CCDC85A: variants seen among roughly 807,000 people sequenced by gnomAD.
The protein encoded by CCDC85A is coiled-coil domain-containing protein 85A.
A neutral mutation model predicts 50.2 loss-of-function variants in CCDC85A; 38 were observed. That is an observed-to-expected ratio of 0.76 (90% CI 0.58 to 0.99). The LOEUF (loss-of-function observed/expected upper bound fraction) is 0.99. Ranked by LOEUF, CCDC85A falls within the 50% of genes least tolerant of loss-of-function variation. CCDC85A has a pLI of 0.00. For synonymous variants in CCDC85A, 366 were observed against 301.4 expected (o/e 1.21, Z -2.22); for missense variants, 820 against 742.0 (o/e 1.11, Z -1.22).
intron 2 of CCDC85A, among the ~76,000 whole-genome samples, chr2:56,261,265 C>A (rs550549936): frequency 2.0e-5 from 3 of 152,270 alleles, no homozygotes; most frequent in South Asian, 4.1e-4. Context: ...TAGAGAGAAA[C>A]AGCACTATAA....
At chr2:56,313,791 A>G (rs1191201637) in intron 2 of CCDC85A, among the ~76,000 whole-genome samples, 1 of 149,332 alleles carries the variant, frequency 6.7e-6, no homozygotes, top group Non-Finnish European at 1.5e-5. Flanking sequence ...TGGGCAGCAG[A>G]AGGAACAGGG....
intron 5 of CCDC85A, among the ~76,000 whole-genome samples, chr2:56,376,699 T>C (rs1452503016): frequency 6.6e-6 from 1 of 152,212 alleles, no homozygotes; most frequent in Non-Finnish European, 1.5e-5. Flanking sequence ...ATAAAAATCA[T>C]CTTACAAATT....
rs1301350031 is a variant in CCDC85A, at chr2:56,294,561, G to A, written c.1241-48318G>A. Among the ~76,000 whole-genome samples, 3 of 152,314 alleles carry A rather than the reference G, an allele frequency of 2.0e-5. No homozygotes were observed. In the East Asian group the frequency reaches 5.8e-4, roughly 29 times the overall value. On this transcript the variant is annotated intron_variant, in intron 2 of 5. Coordinates refer to ENST00000407595, the MANE Select transcript of CCDC85A (RefSeq NM_001080433.2). ...ATCTAGGAATGGCTTCTTGGAATTA[G>A]TTTATTTCCTTGTCCATCTCAAGCG...
intron 2 of CCDC85A, among the ~76,000 whole-genome samples, chr2:56,245,909 G>A (rs749901500): frequency 2.5e-4 from 38 of 152,164 alleles, no homozygotes; most frequent in Non-Finnish European, 4.4e-4. Flanking sequence ...CCAGAACTGG[G>A]AGAAATAAAT....
intron 2 of CCDC85A, among the ~76,000 whole-genome samples, chr2:56,208,092 A>T (rs1191065235): frequency 6.6e-6 from 1 of 152,146 alleles, no homozygotes; most frequent in Non-Finnish European, 1.5e-5. Flanking sequence ...ATTGTTTCTT[A>T]AGGATTGATT....
At chr2:56,323,453 A>G (rs1673312656) in intron 2 of CCDC85A, among the ~76,000 whole-genome samples, 1 of 151,970 alleles carries the variant, frequency 6.6e-6, no homozygotes. Context: ...GTGCTACTCT[A>G]TCATCTGCTT....
chr2:56,188,713 C>A (rs1199687359), intron 1 of CCDC85A, among the ~76,000 whole-genome samples: 1 of 152,180 alleles, frequency 6.6e-6, no homozygotes, highest in Non-Finnish European at 1.5e-5. Flanking sequence ...TATTTTCTTA[C>A]TACTGTAGGC....
intron 2 of CCDC85A, among the ~76,000 whole-genome samples, chr2:56,279,055 C>T (rs1029429716): frequency 2.0e-5 from 3 of 152,154 alleles, no homozygotes; most frequent in African/African-American, 7.2e-5. Context: ...TGCCAGGGGG[C>T]CTTTGGAGGC....
rs375758033 is a variant in CCDC85A, at chr2:56,184,971, G to C, written c.276+71G>C. On this transcript the variant is annotated intron_variant, in intron 1 of 5. Coordinates refer to ENST00000407595, the MANE Select transcript of CCDC85A (RefSeq NM_001080433.2). ...GTGCCCCGAGGAGGAGGCGGGGCCA[G>C]GCAAACTTTCCCTCCCTCCCTCAAC... 516 of 1,425,702 alleles carry C rather than the reference G, an allele frequency of 3.6e-4. 2 individuals are homozygous for C. In the East Asian group the frequency reaches 9.0e-3, roughly 25 times the overall value. 88.3% of individuals were successfully genotyped at this position (1,425,702 alleles called of 1,614,324 possible).
At chr2:56,197,100 C>G (rs1471455880) in intron 2 of CCDC85A, among the ~76,000 whole-genome samples, 2 of 152,200 alleles carry the variant, frequency 1.3e-5, no homozygotes, top group African/African-American at 4.8e-5. Context: ...GGTTGTAAGT[C>G]TTCCTCCTGA....
Position 56,184,429 on chromosome 2 carries a change from G to C in CCDC85A, c.-196G>C. The C allele has an allele frequency of 1.7e-6, 1 of 583,804 alleles. No homozygotes were observed. The highest frequency in any genetic ancestry group is 2.4e-6 in the Non-Finnish European group (1 of 409,388). The allele number at this position is 583,804 out of a possible 1,614,324, so 36.2% of individuals were successfully genotyped here. ...GGCTGCCGGGCCCTGGGGGAGCGCG[G>C]GCGCGCGCGCGGGGATGGCGAGGTA... is the stretch of plus-strand genomic sequence containing the variant. On this transcript the variant is annotated 5_prime_UTR_variant, in exon 1 of 6. Transcript: ENST00000407595.
chr2:56,192,864 C>G lies in CCDC85A; in HGVS notation c.664C>G (p.Pro222Ala). 1 of 1,613,214 alleles carries G rather than the reference C, an allele frequency of 6.2e-7. No individual in the cohort carries two copies. The highest frequency in any genetic ancestry group is 8.5e-7 in the Non-Finnish European group (1 of 1,179,600). The stretch of plus-strand genomic sequence containing the variant: ...CTCCAGCACTGGCAGCACTGACAGC[C>G]CGGACCACCACAAGCACCACGCGAG... ...STSSTGSTDS[P>A]DHHKHHASSG... is the part of the protein sequence containing the mutation. The change falls in exon 2 of 6, where the codon CCG becomes GCG. Residue 222 changes from proline (P) to alanine (A), a missense_variant. Physicochemically the swap from Pro to Ala is conservative, Grantham distance 27 (BLOSUM62 -1). Coordinates refer to ENST00000407595, the MANE Select transcript of CCDC85A (RefSeq NM_001080433.2). This position sits in a 1 kb window ranked among gnomAD's most constrained non-coding sequence, Gnocchi z 4.7.
chr2:56,254,356 T>C (rs1669892470), intron 2 of CCDC85A, among the ~76,000 whole-genome samples: 1 of 152,264 alleles, frequency 6.6e-6, no homozygotes, highest in South Asian at 2.1e-4. Context: ...GTGGTAGCAG[T>C]GGTATCAAGG....
chr2:56,326,402 TG>T (rs1174563851), intron 2 of CCDC85A, among the ~76,000 whole-genome samples: 1 of 152,198 alleles, frequency 6.6e-6, no homozygotes, highest in African/African-American at 2.4e-5. Context: ...TTTGCTTGCT[TG>T]ACCAAATTGA....
chr2:56,293,244 C>T (rs982045011), intron 2 of CCDC85A, among the ~76,000 whole-genome samples: 1 of 152,134 alleles, frequency 6.6e-6, no homozygotes, highest in Non-Finnish European at 1.5e-5. Flanking sequence ...AGAGATAGGC[C>T]TGTAAAATCA....
At chr2:56,197,443 C>T (rs1676571949) in intron 2 of CCDC85A, among the ~76,000 whole-genome samples, 1 of 152,140 alleles carries the variant, frequency 6.6e-6, no homozygotes, top group African/African-American at 2.4e-5. Context: ...TTCAATCTAG[C>T]TGCAGATTAA....
At chr2:56,329,943 C>CTTTTTTTTTTTTTTTTTTTTTTTTT (rs1336192523) in intron 2 of CCDC85A, among the ~76,000 whole-genome samples, 2 of 22,874 alleles carry the variant, frequency 8.7e-5, no homozygotes, top group East Asian at 1.3e-3. Context: ...TACAGATTTC[C>CTTTTTTTTTTTTTTTTTTTTTTTTT]TGTTTTTTTT....
At chr2:56,330,533 C>T (rs758167094) in intron 2 of CCDC85A, among the ~76,000 whole-genome samples, 3 of 152,134 alleles carry the variant, frequency 2.0e-5, no homozygotes, top group Non-Finnish European at 4.4e-5. Context: ...TCCTTTCTTC[C>T]ATTATTCAGC....
At chr2:56,254,062 A>G (rs1669879009) in intron 2 of CCDC85A, among the ~76,000 whole-genome samples, 1 of 152,166 alleles carries the variant, frequency 6.6e-6, no homozygotes, top group East Asian at 1.9e-4. Flanking sequence ...GCATGCACAC[A>G]CATATACACA....
Sources: gnomAD v4.1 joint callset for allele counts (sites outside exome capture counted in the v4.1 genomes callset) on GRCh38, gnomAD v4.1.1 for gene constraint, Gnocchi (gnomAD v3.1) non-coding constraint, MANE v1.5 for transcripts, NCBI Gene and HGNC (gene_info 2026-07-23, HGNC 2026-07-21) for gene names.